PDE1C: variants seen among roughly 807,000 people sequenced by gnomAD.
The protein encoded by PDE1C is dual specificity calcium/calmodulin-dependent 3',5'-cyclic nucleotide phosphodiesterase 1C.
A neutral mutation model predicts 93.1 loss-of-function variants in PDE1C; 62 were observed. That is an observed-to-expected ratio of 0.67 (90% CI 0.54 to 0.82). The LOEUF (loss-of-function observed/expected upper bound fraction) is 0.82. PDE1C is among the 40% of genes least tolerant of loss of function. PDE1C has a pLI of 0.00. For missense variants in PDE1C, 742 were observed against 884.6 expected (o/e 0.84, Z 2.04); for synonymous variants, 325 against 310.1 (o/e 1.05, Z -0.50).
intron 17 of PDE1C, among the ~76,000 whole-genome samples, chr7:31,769,862 G>A (rs1009167938): frequency 1.3e-5 from 2 of 152,186 alleles, no homozygotes; most frequent in African/African-American, 4.8e-5. Flanking sequence ...AATACAATAT[G>A]TGACCTTTTG....
chr7:32,161,468 T>C (rs186660316), intron 3 of PDE1C, among the ~76,000 whole-genome samples: 3 of 152,212 alleles, frequency 2.0e-5, no homozygotes, highest in African/African-American at 7.2e-5. Flanking sequence ...AGTCTACAGG[T>C]TGTGTACAAT....
intron 1 of PDE1C, among the ~76,000 whole-genome samples, chr7:32,320,517 T>TG (rs1190580850): frequency 2.0e-5 from 3 of 150,164 alleles, no homozygotes; most frequent in Non-Finnish European, 4.5e-5. Context: ...AACTTAAAAG[T>TG]GGGGGGAAAA....
intron 1 of PDE1C, among the ~76,000 whole-genome samples, chr7:32,425,683 G>C (rs1785512641): frequency 1.3e-5 from 2 of 152,252 alleles, no homozygotes; most frequent in South Asian, 4.1e-4. Context: ...AAGAAAAATA[G>C]CCAGGTGCAG....
intron 1 of PDE1C, among the ~76,000 whole-genome samples, chr7:32,350,410 A>T (rs1783939840): frequency 7.0e-6 from 1 of 142,960 alleles, no homozygotes; most frequent in African/African-American, 2.6e-5. Context: ...TAAGCCAAAC[A>T]AAGAACAATT....
rs568388069 is a variant in PDE1C at position 32,389,378 on chromosome 7, G to A, written c.310+38444C>T. Among the ~76,000 whole-genome samples the A allele has an allele frequency of 9.2e-5, 14 of 152,176 alleles. No homozygotes were observed. The East Asian group carries it at 2.5e-3, about 27-fold the overall frequency. ...CTTACAGGCGTGTGCCACCACGCTC[G>A]ACTAATTTTTGTATTCTTAGTAGAG... On this transcript the variant is annotated intron_variant, in intron 1 of 1. Coordinates refer to the PDE1C transcript ENST00000672256.
chr7:31,955,706 T>C (rs558739412), intron 2 of PDE1C, among the ~76,000 whole-genome samples: 1 of 152,250 alleles, frequency 6.6e-6, no homozygotes, highest in East Asian at 1.9e-4. Context: ...TACCCAACTA[T>C]CTCATTTGAA....
intron 1 of PDE1C, among the ~76,000 whole-genome samples, chr7:32,054,446 A>C (rs532000779): frequency 6.6e-6 from 1 of 152,328 alleles, no homozygotes; most frequent in African/African-American, 2.4e-5. Flanking sequence ...TGTAAGAGGC[A>C]TTCTAAGATT....
At chr7:32,011,630 A>C (rs1787129056) in intron 2 of PDE1C, among the ~76,000 whole-genome samples, 1 of 152,222 alleles carries the variant, frequency 6.6e-6, no homozygotes, top group Non-Finnish European at 1.5e-5. Flanking sequence ...TCACAATGAG[A>C]AACTTTTCTC....
chr7:31,911,333 A>G (rs780818549), intron 2 of PDE1C, among the ~76,000 whole-genome samples: 1 of 152,138 alleles, frequency 6.6e-6, no homozygotes, highest in Non-Finnish European at 1.5e-5. Flanking sequence ...AGAGAGGCCT[A>G]TATGATATTT....
At chr7:31,762,791 G>A (rs760120051) in intron 17 of PDE1C, among the ~76,000 whole-genome samples, 20 of 152,272 alleles carry the variant, frequency 1.3e-4, no homozygotes, top group Middle Eastern at 3.4e-3. Flanking sequence ...CTATTTAGAA[G>A]GAGCTGAGTT....
intron 17 of PDE1C, among the ~76,000 whole-genome samples, chr7:31,756,077 C>G (rs1794446211): frequency 6.6e-6 from 1 of 152,106 alleles, no homozygotes; most frequent in Non-Finnish European, 1.5e-5. Context: ...GAGGCTCAGG[C>G]AGGAGAATCG....
chr7:32,118,490 T>A (rs1162583208), intron 3 of PDE1C, among the ~76,000 whole-genome samples: 1 of 152,226 alleles, frequency 6.6e-6, no homozygotes, highest in Admixed American at 6.5e-5. Flanking sequence ...GACCTTCCTT[T>A]ACCTTATCTT....
chr7:32,215,041 T>A (rs1364105575), intron 1 of PDE1C, among the ~76,000 whole-genome samples: 1 of 151,932 alleles, frequency 6.6e-6, no homozygotes, highest in Admixed American at 6.6e-5. Flanking sequence ...TGGGTCAGAA[T>A]CCCTGCAAGT....
chr7:31,971,624 T>A (rs1810974932), intron 2 of PDE1C, among the ~76,000 whole-genome samples: 1 of 152,224 alleles, frequency 6.6e-6, no homozygotes, highest in African/African-American at 2.4e-5. Context: ...CCCTGCTGTA[T>A]GACCTGAGGC....
At chr7:31,939,251 G>A (rs1805506334) in intron 2 of PDE1C, among the ~76,000 whole-genome samples, 1 of 152,102 alleles carries the variant, frequency 6.6e-6, no homozygotes, top group Admixed American at 6.6e-5. Context: ...GGAGGAGAAG[G>A]AGGAGAAAGA....
In PDE1C at chr7:32,014,610, T is replaced by G. The variant is rs1787626945; in HGVS notation, c.128+36944A>C. ...ATGCATTAGGGGCTCTCCCTCCCCTTGCCCTCCACCTTCCGACAGGCCCCA... is the reference window on the plus strand; with the variant it reads ...ATGCATTAGGGGCTCTCCCTCCCCTGGCCCTCCACCTTCCGACAGGCCCCA... On this transcript the variant is annotated intron_variant, in intron 2 of 17. Coordinates refer to ENST00000396191, the MANE Select transcript of PDE1C (RefSeq NM_001191057.4). Among the ~76,000 whole-genome samples, 3 of 152,150 alleles carry G rather than the reference T, an allele frequency of 2.0e-5. No individual in the cohort carries two copies. In the South Asian group the frequency reaches 6.2e-4, roughly 32 times the overall value.
intron 2 of PDE1C, among the ~76,000 whole-genome samples, chr7:32,172,839 A>AAAAAAG: frequency 6.6e-6 from 1 of 150,568 alleles, no homozygotes; most frequent in African/African-American, 2.4e-5. Flanking sequence ...AAAAAAAAAA[A>AAAAAAG]AAAAAAGGCA....
chr7:32,243,007 C>G (rs1808655002), intron 1 of PDE1C, among the ~76,000 whole-genome samples: 1 of 152,112 alleles, frequency 6.6e-6, no homozygotes, highest in South Asian at 2.1e-4. Context: ...GGACACGTGT[C>G]CAGGAGATGG....
intron 1 of PDE1C, among the ~76,000 whole-genome samples, chr7:32,321,668 G>T (rs1278670836): frequency 6.6e-6 from 1 of 152,208 alleles, no homozygotes; most frequent in East Asian, 1.9e-4. Flanking sequence ...TAGCAGGTCT[G>T]CTACTAACTT....
Sources: allele counts gnomAD v4.1 joint callset (sites outside exome capture counted in the v4.1 genomes callset), GRCh38; gene constraint gnomAD v4.1.1; transcripts MANE v1.5; gene names NCBI Gene and HGNC (gene_info 2026-07-23, HGNC 2026-07-21).